PRICKLE2: variants seen among roughly 807,000 people sequenced by gnomAD.
PRICKLE2 encodes the protein prickle-like protein 2.
In PRICKLE2, 21 loss-of-function variants were observed where a neutral mutation model predicts 81.4. The ratio of observed to expected loss-of-function variants is 0.26; its 90% CI spans 0.18 to 0.37. The LOEUF (loss-of-function observed/expected upper bound fraction) is 0.37, where lower values mean the gene tolerates loss of function less well. Ranked by LOEUF, PRICKLE2 falls within the 10% of genes least tolerant of loss-of-function variation. PRICKLE2 has a pLI of 1.00. For synonymous variants in PRICKLE2, 456 were observed against 421.5 expected, an observed-to-expected ratio of 1.08 and a Z score of -1.00; for missense variants, 940 against 1,109.0, an observed-to-expected ratio of 0.85 and a Z score of 2.16.
chr3:64,231,495 G>A (rs1206509724), intron 2 of PRICKLE2, among the ~76,000 whole-genome samples: 1 of 152,126 alleles, frequency 6.6e-6, no homozygotes, highest in African/African-American at 2.4e-5. Flanking sequence ...GATCTGTACA[G>A]GGATGCTCTG....
At chr3:64,246,807 T>A (rs11715732) in intron 2 of PRICKLE2, among the ~76,000 whole-genome samples, 89,935 of 152,106 alleles carry the variant, frequency 0.59, 28,609 homozygotes, top group Non-Finnish European at 0.7. Context: ...TTACTTTCCT[T>A]TGCTACATGT....
intron 2 of PRICKLE2, among the ~76,000 whole-genome samples, chr3:64,251,427 T>C (rs1211658227): frequency 2.0e-5 from 3 of 152,114 alleles, no homozygotes; most frequent in Non-Finnish European, 4.4e-5. Context: ...TACTGGTTCT[T>C]TGTCAGTGGG....
At chr3:64,116,885 T>C (rs1003129768) in intron 7 of PRICKLE2, among the ~76,000 whole-genome samples, 3 of 152,012 alleles carry the variant, frequency 2.0e-5, no homozygotes, top group African/African-American at 4.8e-5. Flanking sequence ...CTGGTAGAGA[T>C]ACAACAACAA....
At position 64,264,646 on chromosome 3, in the gene PRICKLE2, GA is replaced by G. The variant is rs571310787; in HGVS notation, c.129-65680del. ...TTGCTTATCCCCAGAAGCCTGAACA[GA>G]GCCTCAATCATCAGAAAATATAAAA... On this transcript the variant is annotated intron_variant, in intron 2 of 8. Coordinates refer to the PRICKLE2 transcript ENST00000295902. Among the ~76,000 whole-genome samples the G allele has an allele frequency of 7.9e-5, 12 of 152,330 alleles. No individual in the cohort carries two copies. In the South Asian group the frequency reaches 2.5e-3, roughly 32 times the overall value.
chr3:64,226,076 CAGA>C (rs1175092577), upstream of PRICKLE2, among the ~76,000 whole-genome samples: 7 of 152,120 alleles, frequency 4.6e-5, no homozygotes, highest in Non-Finnish European at 1.0e-4. Flanking sequence ...CAACTGCATG[CAGA>C]AGAAGACAAA....
rs1458041327 is a variant in PRICKLE2 at position 64,096,171 on chromosome 3, TAAC to T, written c.*2877_*2879del. On this transcript the variant is annotated 3_prime_UTR_variant, in exon 8 of 8. Coordinates refer to ENST00000638394, the MANE Select transcript of PRICKLE2 (RefSeq NM_198859.4). ...TCAATATTAGGAGAGGTGGGAAAAATAACAACCAGGGCATTGGAGAAGAGAGAA... is the reference window on the plus strand; with the variant it reads ...TCAATATTAGGAGAGGTGGGAAAAATAACCAGGGCATTGGAGAAGAGAGAA... 6.6e-6 allele frequency: 1 copy of T among 152,070 alleles called. No individual in the cohort carries two copies. The highest frequency in any genetic ancestry group is 2.4e-5 in the African/African-American group (1 of 41,386). The allele number at this position is 152,070 out of a possible 1,614,324, so 9.4% of individuals were successfully genotyped here.
rs114405757 is a variant in PRICKLE2 at position 64,240,468 on chromosome 3, T to A, written c.129-41501A>T. Among the ~76,000 whole-genome samples, 879 of 152,278 alleles carry A rather than the reference T, an allele frequency of 5.8e-3. 3 individuals are homozygous for A. Among genetic ancestry groups the A allele is most frequent in the Non-Finnish European group, 9.7e-3 (658 of 68,022 alleles). On this transcript the variant is annotated intron_variant, in intron 2 of 8. Transcript: ENST00000295902. ...GGAGCCCAAGGGATACTCTTCAAAT[T>A]GAGGAAATATAGGAACTCTGCAGGA... is the stretch of plus-strand genomic sequence containing the variant.
intron 1 of PRICKLE2, among the ~76,000 whole-genome samples, chr3:64,208,334 C>T (rs2078726045): frequency 6.6e-6 from 1 of 152,216 alleles, no homozygotes; most frequent in African/African-American, 2.4e-5. Flanking sequence ...ACAAAAAGCA[C>T]AAGCAACGCT....
At chr3:64,111,642 A>G (rs2076848379) in intron 7 of PRICKLE2, among the ~76,000 whole-genome samples, 1 of 152,248 alleles carries the variant, frequency 6.6e-6, no homozygotes, top group Non-Finnish European at 1.5e-5. Flanking sequence ...TGAATCTCAT[A>G]AAGTAAAAGA....
chr3:64,094,841 G>A lies in PRICKLE2; in HGVS notation c.*4210C>T, dbSNP rs761617538. Reference sequence around the variant, plus strand: ...CTGAAACTGCCTTCAACAATTGGCAGTGGAGGCTTGGCTACTGAGTCTTGC... The same window carrying A: ...CTGAAACTGCCTTCAACAATTGGCAATGGAGGCTTGGCTACTGAGTCTTGC... On this transcript the variant is annotated 3_prime_UTR_variant, in exon 8 of 8. Coordinates refer to ENST00000638394, the MANE Select transcript of PRICKLE2 (RefSeq NM_198859.4). 2.6e-5 allele frequency: 4 copies of A among 152,648 alleles called. No homozygotes were observed. Among genetic ancestry groups the A allele is most frequent in the African/African-American group, 7.2e-5 (3 of 41,450 alleles). The allele number at this position is 152,648 out of a possible 1,614,324, so 9.5% of individuals were successfully genotyped here.
chr3:64,148,289 AG>A (rs2077489551), intron 6 of PRICKLE2, among the ~76,000 whole-genome samples: 2 of 152,220 alleles, frequency 1.3e-5, no homozygotes, highest in Non-Finnish European at 2.9e-5. Flanking sequence ...CACACTAAAT[AG>A]TGATTCTCCA....
intron 7 of PRICKLE2, among the ~76,000 whole-genome samples, chr3:64,140,026 T>A (rs913412546): frequency 6.6e-6 from 1 of 152,210 alleles, no homozygotes; most frequent in African/African-American, 2.4e-5. Context: ...CAGCTCAGCA[T>A]TGCATTCCCA....
intron 2 of PRICKLE2, among the ~76,000 whole-genome samples, chr3:64,164,304 C>T (rs1164616822): frequency 1.3e-5 from 2 of 152,048 alleles, no homozygotes; most frequent in African/African-American, 4.8e-5. Flanking sequence ...TTGAACACAC[C>T]ACAGCCTGGG....
At chr3:64,230,287 A>G (rs2079085031), upstream of PRICKLE2, among the ~76,000 whole-genome samples, 1 of 152,224 alleles carries the variant, frequency 6.6e-6, no homozygotes, top group Non-Finnish European at 1.5e-5. Flanking sequence ...ACATTAAACA[A>G]AACAAAATAC....
intron 7 of PRICKLE2, among the ~76,000 whole-genome samples, chr3:64,140,809 T>A (rs1314540867): frequency 1.3e-5 from 2 of 152,180 alleles, no homozygotes; most frequent in Non-Finnish European, 2.9e-5. Context: ...ACAGCTGTGC[T>A]CGCATGCTTC....
intron 7 of PRICKLE2, among the ~76,000 whole-genome samples, chr3:64,115,111 G>C (rs946557456): frequency 2.0e-5 from 3 of 152,098 alleles, no homozygotes; most frequent in African/African-American, 7.2e-5. Flanking sequence ...AGATTCATAA[G>C]CAAAGGAGAA....
intron 2 of PRICKLE2, chr3:64,194,265 C>T (rs7614007): frequency 0.36 from 55,408 of 152,134 alleles, 11,720 homozygotes; most frequent in Admixed American, 0.46. Flanking sequence ...GCTGAATACT[C>T]GACCATATTA....
At chr3:64,109,551 G>A (rs946364689) in intron 7 of PRICKLE2, among the ~76,000 whole-genome samples, 2 of 152,116 alleles carry the variant, frequency 1.3e-5, no homozygotes, top group Non-Finnish European at 2.9e-5. Flanking sequence ...GCTGCACTGG[G>A]GAAGGGAAAG....
At chr3:64,131,422 C>G (rs1376558391) in intron 7 of PRICKLE2, among the ~76,000 whole-genome samples, 3 of 152,160 alleles carry the variant, frequency 2.0e-5, no homozygotes, top group South Asian at 2.1e-4. Flanking sequence ...ATCCAAAGAG[C>G]CCTGATAACA....
Sources: allele counts gnomAD v4.1 joint callset (sites outside exome capture counted in the v4.1 genomes callset), GRCh38; gene constraint gnomAD v4.1.1; transcripts MANE v1.5; gene names NCBI Gene and HGNC (gene_info 2026-07-23, HGNC 2026-07-21).